The following DEF6 variants were observed in gnomAD, a reference collection of about 807,000 sequenced individuals.
DEF6 encodes DEF6 guanine nucleotide exchange factor, also known as differentially expressed in FDCP 6 homolog.
DEF6 carries 32 observed loss-of-function variants against 80.5 expected under a neutral mutation model. The observed-to-expected ratio is 0.40, with a 90% CI of 0.30 to 0.53. DEF6 has a LOEUF of 0.53. Ranked by LOEUF, DEF6 falls within the 20% of genes least tolerant of loss-of-function variation. The probability of loss-of-function intolerance (pLI) is 0.57; values close to 1 mark genes in which losing one functional copy is unlikely to be tolerated. For synonymous variants in DEF6, 300 were observed against 337.9 expected (o/e 0.89, Z 1.23); for missense variants, 575 against 818.7 (o/e 0.70, Z 3.63).
chr6:35,309,141 A>G (rs1791431194), intron 1 of DEF6, among the ~76,000 whole-genome samples: 1 of 152,230 alleles, frequency 6.6e-6, no homozygotes, highest in Admixed American at 6.5e-5. Flanking sequence ...ATAAATTGGC[A>G]GCTTCTGCCC....
At chr6:35,310,406 T>A in intron 2 of DEF6, 53 bp from the exon 3 acceptor site, 2 of 1,593,918 alleles carry the variant, frequency 1.3e-6, no homozygotes, top group Non-Finnish European at 8.5e-7. Context: ...TGGAGCCTAG[T>A]GTCGTGGTAG....
In DEF6 at chr6:35,321,197, G is replaced by A. The variant is rs768714712; in HGVS notation, c.1683G>A (p.Pro561=). 38 of 1,612,062 alleles carry A rather than the reference G, an allele frequency of 2.4e-5. No individual in the cohort carries two copies. The highest frequency in any genetic ancestry group is 2.0e-4 in the Middle Eastern group (1 of 4,982). ...MHPIEPGDKR[P]VTSSSFSGFQ... The stretch of plus-strand genomic sequence containing the variant: ...CCTTCTCTCTGCCAGATAAGCGTCC[G>A]GTCACCAGCAGCTCCTTCTCAGGCT... The change falls in exon 11 of 11, where the codon CCG becomes CCA. Residue 561 remains proline (P), a synonymous_variant. Transcript: ENST00000316637.
Position 35,312,392 on chromosome 6 carries a change from G to A in DEF6, c.514G>A (p.Val172Met). 1 of 1,614,194 alleles carries A rather than the reference G, an allele frequency of 6.2e-7. No individual in the cohort carries two copies. Among genetic ancestry groups the A allele is most frequent in the South Asian group, 1.1e-5 (1 of 91,082 alleles). Residue 172 changes from valine (V) to methionine (M), a missense_variant, in exon 4 of 11, where the codon GTG becomes ATG. Transcript: ENST00000316637. The surrounding 1 kb of genome is among the most constrained non-coding windows in gnomAD (Gnocchi z 6.6). Reference sequence around the variant, plus strand: ...GGAGCTTCTGGCCCAGGAGGCCCAGGTGGCCCAGACCACCGGGGGGCTCAG... The same window carrying A: ...GGAGCTTCTGGCCCAGGAGGCCCAGATGGCCCAGACCACCGGGGGGCTCAG... Reference protein sequence around the residue: ...LEELLAQEAQVAQTTGGLSVW... With the variant: ...LEELLAQEAQMAQTTGGLSVW...
rs1008584537 is a variant in DEF6, at chr6:35,309,910, T to G, written c.237+100T>G. On this transcript the variant is annotated intron_variant, in intron 2 of 10. Coordinates refer to ENST00000316637, the MANE Select transcript of DEF6 (RefSeq NM_022047.4). The stretch of plus-strand genomic sequence containing the variant: ...CCACTCCAACTCTTCGCCCCTGCCA[T>G]AAACTCCTACTTCTGCCTGCTCTGT... 3.2e-5 allele frequency: 45 copies of G among 1,407,558 alleles called. 1 individual carries two copies. Among genetic ancestry groups the G allele is most frequent in the African/African-American group, 2.4e-4 (17 of 70,832 alleles). 87.2% of individuals were successfully genotyped at this position (1,407,558 alleles called of 1,614,324 possible).
intron 1 of DEF6, among the ~76,000 whole-genome samples, chr6:35,300,555 C>T (rs936475393): frequency 6.6e-6 from 1 of 152,206 alleles, no homozygotes; most frequent in Admixed American, 6.5e-5. Context: ...GTTGTTTCTC[C>T]TGGAAAAGAG....
Position 35,318,514 on chromosome 6 carries a change from G to A in DEF6, c.1215+43G>A. On this transcript the variant is annotated intron_variant, in intron 7 of 10. Coordinates refer to ENST00000316637, the MANE Select transcript of DEF6 (RefSeq NM_022047.4). The surrounding 1 kb of genome is among the most constrained non-coding windows in gnomAD (Gnocchi z 5.1). The stretch of plus-strand genomic sequence containing the variant: ...CGCCGGGGACGGGACCGGTGGGCTG[G>A]GAGGCTGGCCAGGGGCGGAGCGCCG... 1 of 1,360,204 alleles carries A rather than the reference G, an allele frequency of 7.4e-7. No individual in the cohort carries two copies. Among genetic ancestry groups the A allele is most frequent in the South Asian group, 1.8e-5 (1 of 56,624 alleles). 84.3% of individuals were successfully genotyped at this position (1,360,204 alleles called of 1,614,324 possible).
In DEF6 at chr6:35,312,455, T is replaced by C; in HGVS notation, c.577T>C (p.Cys193Arg). The change falls in exon 4 of 11, where the codon TGC becomes CGC. Residue 193 changes from cysteine to arginine, a missense_variant. Physicochemically the swap from Cys to Arg is radical, Grantham distance 180. Transcript: ENST00000316637. This position sits in a 1 kb window ranked among gnomAD's most constrained non-coding sequence, Gnocchi z 6.6. The part of the protein sequence containing the change: ...QFLELFNSGR[C>R]LRGVGRDTLS... ...CCTGGAGCTCTTCAATTCGGGCCGCTGCCTGCGGGGCGTGGGCCGGGACAC... is the reference window on the plus strand; with the variant it reads ...CCTGGAGCTCTTCAATTCGGGCCGCCGCCTGCGGGGCGTGGGCCGGGACAC... The C allele has an allele frequency of 3.1e-6, 5 of 1,614,126 alleles. No homozygotes were observed. The highest frequency in any genetic ancestry group is 3.4e-6 in the Non-Finnish European group (4 of 1,180,030).
At chr6:35,302,400 C>A (rs1791326489) in intron 1 of DEF6, among the ~76,000 whole-genome samples, 1 of 151,938 alleles carries the variant, frequency 6.6e-6, no homozygotes, top group Non-Finnish European at 1.5e-5. Context: ...TTTCTGAAAT[C>A]ATTGCTGGGT....
In DEF6 at chr6:35,312,397, C is replaced by A. The variant is rs1326329764; in HGVS notation, c.519C>A (p.Ala173=). ...TTCTGGCCCAGGAGGCCCAGGTGGC[C>A]CAGACCACCGGGGGGCTCAGCGTCT... is the stretch of plus-strand genomic sequence containing the variant. ...EELLAQEAQV[A]QTTGGLSVWQ... Residue 173 remains alanine, a synonymous_variant, in exon 4 of 11, where the codon GCC becomes GCA. Coordinates refer to ENST00000316637, the MANE Select transcript of DEF6 (RefSeq NM_022047.4). The surrounding 1 kb of genome is among the most constrained non-coding windows in gnomAD (Gnocchi z 6.6). The A allele has an allele frequency of 6.2e-7, 1 of 1,614,042 alleles. No homozygotes were observed. Among genetic ancestry groups the A allele is most frequent in the East Asian group, 2.2e-5 (1 of 44,872 alleles).
chr6:35,309,717 C>T lies in DEF6; in HGVS notation c.144C>T (p.Pro48=), dbSNP rs1454559598. Residue 48 remains proline (P), a synonymous_variant, in exon 2 of 11, where the codon CCC becomes CCT. Transcript: ENST00000316637. ...LYTVLHIPHD[P]VALEEHFRDD... Reference sequence around the variant, plus strand: ...CGGTCCTGCACATCCCCCATGACCCCGTGGCCCTGGAGGAACACTTCCGAG... The same window carrying T: ...CGGTCCTGCACATCCCCCATGACCCTGTGGCCCTGGAGGAACACTTCCGAG... The T allele has an allele frequency of 1.1e-5, 18 of 1,613,916 alleles. No individual in the cohort carries two copies. In the Admixed American group the frequency reaches 2.3e-4, roughly 21 times the overall value.
intron 1 of DEF6, among the ~76,000 whole-genome samples, chr6:35,299,578 C>T (rs1037654812): frequency 2.6e-5 from 4 of 152,208 alleles, no homozygotes; most frequent in Non-Finnish European, 5.9e-5. Context: ...CCCACTCCCT[C>T]ATCCCCACAG....
At chr6:35,320,043 G>A in intron 9 of DEF6, 26 bp downstream of exon 9, 1 of 1,550,358 alleles carries the variant, frequency 6.5e-7, no homozygotes, top group Non-Finnish European at 8.7e-7. Context: ...GGATGGGGTG[G>A]AGGCTGGCAG....
chr6:35,316,532 T>C (rs1389927743), intron 5 of DEF6, among the ~76,000 whole-genome samples: 1 of 152,250 alleles, frequency 6.6e-6, no homozygotes, highest in Non-Finnish European at 1.5e-5. Context: ...CAATGTTAGC[T>C]GTGAGTTTGT....
chr6:35,304,250 G>A (rs528048776), intron 1 of DEF6, among the ~76,000 whole-genome samples: 97 of 152,338 alleles, frequency 6.4e-4, no homozygotes, highest in Middle Eastern at 3.4e-3. Flanking sequence ...GAGCCAGGGC[G>A]GTCGAGGCTG....
At chr6:35,308,741 A>AATAAAAT (rs1562148040) in intron 1 of DEF6, among the ~76,000 whole-genome samples, 8 of 148,460 alleles carry the variant, frequency 5.4e-5, no homozygotes, top group African/African-American at 2.0e-4. Context: ...TAAAATAATA[A>AATAAAAT]AATAAAATAA....
At chr6:35,300,325 C>A (rs1245296399) in intron 1 of DEF6, among the ~76,000 whole-genome samples, 1 of 152,206 alleles carries the variant, frequency 6.6e-6, no homozygotes, top group Non-Finnish European at 1.5e-5. Context: ...CCTCACTGGG[C>A]TGGTTACTAA....
intron 1 of DEF6, among the ~76,000 whole-genome samples, chr6:35,300,574 A>G (rs1791301666): frequency 1.3e-5 from 2 of 152,222 alleles, no homozygotes; most frequent in Admixed American, 1.3e-4. Flanking sequence ...AGAAGGCTTG[A>G]GGGAAAAACC....
At position 35,318,119 on chromosome 6, in the gene DEF6, C is replaced by G; in HGVS notation, c.917-54C>G. ...GAGTGGACTCGGGAAACTCCTAAGG[C>G]CCCTTTCGGGCCGTGTGCGAGGATC... On this transcript the variant is annotated intron_variant, in intron 6 of 10. Transcript: ENST00000316637. The surrounding 1 kb of genome is among the most constrained non-coding windows in gnomAD (Gnocchi z 5.1). 1 of 1,536,310 alleles carries G rather than the reference C, an allele frequency of 6.5e-7. No homozygotes were observed. The highest frequency in any genetic ancestry group is 8.8e-7 in the Non-Finnish European group (1 of 1,142,458).
intron 1 of DEF6, among the ~76,000 whole-genome samples, chr6:35,307,169 C>CG (rs1791403282): frequency 6.6e-6 from 1 of 152,310 alleles, no homozygotes; most frequent in Non-Finnish European, 1.5e-5. Flanking sequence ...GAGGCCGAGG[C>CG]GGGCAGATCT....
Sources: gnomAD v4.1 joint callset for allele counts (sites outside exome capture counted in the v4.1 genomes callset) on GRCh38, gnomAD v4.1.1 for gene constraint, Gnocchi (gnomAD v3.1) non-coding constraint, MANE v1.5 for transcripts, NCBI Gene and HGNC (gene_info 2026-07-23, HGNC 2026-07-21) for gene names.